The following R3HDM1 variants were observed in gnomAD, a reference collection of about 807,000 sequenced individuals.
The protein encoded by R3HDM1 is R3H domain containing 1, also known as R3H domain-containing protein 1.
Under a neutral mutation model 141.1 loss-of-function variants are expected in R3HDM1, and 46 were observed. The ratio of observed to expected loss-of-function variants is 0.33; its 90% CI spans 0.26 to 0.42. The LOEUF is 0.42. R3HDM1 is among the 10% of genes least tolerant of loss of function. The probability of loss-of-function intolerance (pLI) is 1.00; values close to 1 mark genes in which losing one functional copy is unlikely to be tolerated. For synonymous variants in R3HDM1, 435 were observed against 472.9 expected (o/e 0.92, Z 1.04); for missense variants, 1,184 against 1,368.3 (o/e 0.87, Z 2.12).
In R3HDM1 at chr2:135,577,587, A is replaced by G. The variant is rs998452922; in HGVS notation, c.-249-24913A>G. ...AAATAAGCTCACGCCTGTAATCCCA[A>G]CACTTTGGGAGGCCAAGGTGGGTGG... On this transcript the variant is annotated intron_variant, in intron 1 of 26. Transcript: ENST00000683871. 1.0e-3 allele frequency among the ~76,000 whole-genome samples: 155 copies of G among 152,020 alleles called. 1 individual carries two copies. The highest frequency in any genetic ancestry group is 3.5e-3 in the African/African-American group (147 of 41,506).
chr2:135,603,083 G>A (rs1187812271), intron 2 of R3HDM1, among the ~76,000 whole-genome samples: 2 of 152,184 alleles, frequency 1.3e-5, no homozygotes, highest in African/African-American at 4.8e-5. Flanking sequence ...CCAGGTCCAA[G>A]CAATTCTCCT....
At chr2:135,606,254 T>C (rs1243972589) in intron 3 of R3HDM1, 2 of 152,304 alleles carry the variant, frequency 1.3e-5, no homozygotes, top group South Asian at 2.1e-4. Flanking sequence ...AGACTTCTTA[T>C]GTGGCAGCTC....
rs2066505715 is a variant in R3HDM1 at position 135,660,195 on chromosome 2, AG to A, written c.2029-1074del. 3.3e-5 allele frequency among the ~76,000 whole-genome samples: 5 copies of A among 152,326 alleles called. No individual in the cohort carries two copies. The South Asian group carries it at 1.0e-3, about 32-fold the overall frequency. On this transcript the variant is annotated intron_variant, in intron 18 of 26. Coordinates refer to ENST00000683871, the MANE Select transcript of R3HDM1 (RefSeq NM_001378107.1). ...AAATGAATTTCATGAAGTTATATGTAGTTGAGTTTCCCGTATTTGAAAAGCC... is the reference window on the plus strand; with the variant it reads ...AAATGAATTTCATGAAGTTATATGTATTGAGTTTCCCGTATTTGAAAAGCC...
intron 21 of R3HDM1, among the ~76,000 whole-genome samples, chr2:135,698,468 A>T (rs979779649): frequency 6.6e-6 from 1 of 152,138 alleles, no homozygotes; most frequent in Non-Finnish European, 1.5e-5. Flanking sequence ...CAAGGCAGGG[A>T]TGCTTCTAAG....
chr2:135,722,398 A>G (rs1307693441), intron 25 of R3HDM1, 71 bp from the exon 26 acceptor site: 1 of 1,515,638 alleles, frequency 6.6e-7, no homozygotes, highest in Non-Finnish European at 9.0e-7. Flanking sequence ...TTTGGTGTTA[A>G]TTTGTTAAAC....
intron 19 of R3HDM1, among the ~76,000 whole-genome samples, chr2:135,672,019 C>G (rs1172890536): frequency 6.6e-6 from 1 of 151,472 alleles, no homozygotes; most frequent in Non-Finnish European, 1.5e-5. Context: ...AACAACTAAC[C>G]AGAAATGTTT....
At chr2:135,669,809 AACTT>A (rs2068056954) in intron 19 of R3HDM1, among the ~76,000 whole-genome samples, 1 of 152,152 alleles carries the variant, frequency 6.6e-6, no homozygotes, top group African/African-American at 2.4e-5. Flanking sequence ...CAGTGCCTGA[AACTT>A]AATAAATATC....
At chr2:135,533,954 A>G (rs994737193) in intron 1 of R3HDM1, 1 of 974,456 alleles carries the variant, frequency 1.0e-6, no homozygotes, top group Admixed American at 6.2e-5. Flanking sequence ...TGCAATAAAT[A>G]TTAACTGTTA....
At chr2:135,632,179 C>A (rs919415575) in intron 9 of R3HDM1, among the ~76,000 whole-genome samples, 178 bp downstream of exon 9, 2 of 151,842 alleles carry the variant, frequency 1.3e-5, no homozygotes, top group Non-Finnish European at 2.9e-5. Context: ...AATGCAACAG[C>A]CTGGACTCAA....
rs891182031 is a variant in R3HDM1 at position 135,620,720 on chromosome 2, C to A, written c.304-774C>A. Reference sequence around the variant, plus strand: ...ATTATAGCTTTCTTTATAACTTTACCTAAGTAAACAGAGCTACATGATTTT... The same window carrying A: ...ATTATAGCTTTCTTTATAACTTTACATAAGTAAACAGAGCTACATGATTTT... On this transcript the variant is annotated intron_variant, in intron 5 of 26. Coordinates refer to ENST00000683871, the MANE Select transcript of R3HDM1 (RefSeq NM_001378107.1). The A allele has an allele frequency of 3.3e-6, 3 of 898,292 alleles. No homozygotes were observed. In the African/African-American group the frequency reaches 5.4e-5, roughly 16 times the overall value. The allele number at this position is 898,292 out of a possible 1,614,324, so 55.6% of individuals were successfully genotyped here.
intron 1 of R3HDM1, among the ~76,000 whole-genome samples, chr2:135,537,681 G>C (rs960065892): frequency 8.1e-6 from 1 of 123,248 alleles, no homozygotes; most frequent in Admixed American, 9.1e-5. Context: ...ATTTTACTTA[G>C]AGTCTCACTC....
chr2:135,711,679 C>T (rs1213384416), intron 23 of R3HDM1, among the ~76,000 whole-genome samples: 1 of 149,178 alleles, frequency 6.7e-6, no homozygotes, highest in Admixed American at 6.6e-5. Flanking sequence ...AAAAAAAAAC[C>T]CAGGCACAGT....
chr2:135,645,265 T>G, intron 15 of R3HDM1, 114 bp from the exon 16 acceptor site: 1 of 920,228 alleles, frequency 1.1e-6, no homozygotes, highest in Non-Finnish European at 1.6e-6. Context: ...ATATTAGGGT[T>G]TTTTTTTAAT....
chr2:135,707,032 C>T lies in R3HDM1; in HGVS notation c.2460-2401C>T, dbSNP rs74459131. Among the ~76,000 whole-genome samples, 1,632 of 151,960 alleles carry T rather than the reference C, an allele frequency of 0.011. 100 individuals are homozygous for T. The East Asian group carries it at 0.19, about 18-fold the overall frequency. ...CTGACCCCCCCACCTCCCTCCTGGACGGGGCGGCTGGCTGGGCGGGGGGCT... is the reference window on the plus strand; with the variant it reads ...CTGACCCCCCCACCTCCCTCCTGGATGGGGCGGCTGGCTGGGCGGGGGGCT... On this transcript the variant is annotated intron_variant, in intron 21 of 26. Transcript: ENST00000683871.
intron 24 of R3HDM1, among the ~76,000 whole-genome samples, chr2:135,717,736 CAT>C (rs1459538569): frequency 6.6e-6 from 1 of 152,184 alleles, no homozygotes; most frequent in Non-Finnish European, 1.5e-5. Context: ...AATTCTCACA[CAT>C]TGGCGGTAAG....
chr2:135,575,356 A>G (rs1175710411), intron 1 of R3HDM1, among the ~76,000 whole-genome samples: 1 of 152,074 alleles, frequency 6.6e-6, no homozygotes, highest in African/African-American at 2.4e-5. Flanking sequence ...ATATTTTTGT[A>G]TTTTCAGTAG....
At position 135,604,789 on chromosome 2, in the gene R3HDM1, A is replaced by C. The variant is rs759665765; in HGVS notation, c.-40-17A>C. The C allele has an allele frequency of 1.3e-6, 2 of 1,562,790 alleles. No individual in the cohort carries two copies. Among genetic ancestry groups the C allele is most frequent in the Non-Finnish European group, 1.8e-6 (2 of 1,139,598 alleles). Reference sequence around the variant, plus strand: ...ATGTAAAAAAGTTTCAAACTGTATTAATTTTTTTTTCTTAAGGCTTCAAGC... The same window carrying C: ...ATGTAAAAAAGTTTCAAACTGTATTCATTTTTTTTTCTTAAGGCTTCAAGC... On this transcript the variant is annotated splice_polypyrimidine_tract_variant and intron_variant, in intron 2 of 26. Transcript: ENST00000683871.
chr2:135,617,168 T>C (rs904384371), intron 5 of R3HDM1, among the ~76,000 whole-genome samples: 17 of 151,606 alleles, frequency 1.1e-4, no homozygotes, highest in Admixed American at 1.1e-3. Context: ...CTAAAAAAAA[T>C]ACAAAAAAAT....
chr2:135,531,525 T>A lies in R3HDM1; in HGVS notation c.-358T>A, dbSNP rs1694672224. 3.0e-6 allele frequency: 3 copies of A among 985,444 alleles called. No homozygotes were observed. Among genetic ancestry groups the A allele is most frequent in the Middle Eastern group, 5.2e-4 (1 of 1,938 alleles). 61.0% of individuals were successfully genotyped at this position (985,444 alleles called of 1,614,324 possible). ...CTGCCGCTGGAGCCGGTGTCCGGGC[T>A]GGTGATGGGGTTAATTCCCTTTCGT... On this transcript the variant is annotated 5_prime_UTR_variant, in exon 1 of 27. Coordinates refer to ENST00000683871, the MANE Select transcript of R3HDM1 (RefSeq NM_001378107.1).
Sources: allele counts gnomAD v4.1 joint callset (sites outside exome capture counted in the v4.1 genomes callset), GRCh38; gene constraint gnomAD v4.1.1; transcripts MANE v1.5; gene names NCBI Gene and HGNC (gene_info 2026-07-23, HGNC 2026-07-21).